ADAMTS6: variants seen among roughly 807,000 people sequenced by gnomAD.
ADAMTS6 encodes the protein A disintegrin and metalloproteinase with thrombospondin motifs 6.
Under a neutral mutation model 144.3 loss-of-function variants are expected in ADAMTS6, and 23 were observed. That is an observed-to-expected ratio of 0.16 (90% confidence interval 0.11 to 0.23). The LOEUF (loss-of-function observed/expected upper bound fraction) is 0.23. ADAMTS6 is among the 10% of genes least tolerant of loss of function. The pLI is 1.00. For synonymous variants in ADAMTS6, 444 were observed against 457.5 expected (o/e 0.97, Z 0.38); for missense variants, 999 against 1,379.6 (o/e 0.72, Z 4.37).
intron 7 of ADAMTS6, among the ~76,000 whole-genome samples, chr5:65,365,320 C>A (rs1253971933): frequency 6.6e-6 from 1 of 152,084 alleles, no homozygotes; most frequent in Admixed American, 6.6e-5. Context: ...AATGATTTTG[C>A]AAGTGGGCAA....
At chr5:65,203,716 T>C (rs912839036) in intron 20 of ADAMTS6, among the ~76,000 whole-genome samples, 5 of 152,298 alleles carry the variant, frequency 3.3e-5, no homozygotes, top group Admixed American at 2.0e-4. Flanking sequence ...ATATCATAAG[T>C]TCCCACAAAA....
intron 14 of ADAMTS6, among the ~76,000 whole-genome samples, chr5:65,249,273 T>C (rs1222954414): frequency 6.6e-6 from 1 of 152,060 alleles, no homozygotes; most frequent in Non-Finnish European, 1.5e-5. Flanking sequence ...GGCATGCACA[T>C]TAAGAGACAA....
At chr5:65,318,475 C>T (rs1053435101) in intron 9 of ADAMTS6, among the ~76,000 whole-genome samples, 2 of 152,048 alleles carry the variant, frequency 1.3e-5, no homozygotes, top group African/African-American at 4.8e-5. Context: ...TTGGAAGCAA[C>T]CTAAGTGTCC....
intron 7 of ADAMTS6, among the ~76,000 whole-genome samples, chr5:65,360,735 A>G (rs1338556481): frequency 1.3e-5 from 2 of 152,208 alleles, no homozygotes; most frequent in Admixed American, 1.3e-4. Flanking sequence ...GACCATTACA[A>G]AGCAATGTGA....
intron 6 of ADAMTS6, among the ~76,000 whole-genome samples, chr5:65,451,852 A>G (rs1034972469): frequency 6.6e-6 from 1 of 152,216 alleles, no homozygotes; most frequent in Non-Finnish European, 1.5e-5. Context: ...TGAGATTATC[A>G]ACACAAAAAC....
chr5:65,326,217 C>A (rs1329657917), intron 9 of ADAMTS6, among the ~76,000 whole-genome samples: 1 of 151,996 alleles, frequency 6.6e-6, no homozygotes, highest in African/African-American at 2.4e-5. Flanking sequence ...CCCTCTTTGA[C>A]ATTATAATCT....
chr5:65,326,329 C>A (rs1446379266), intron 9 of ADAMTS6, among the ~76,000 whole-genome samples: 1 of 152,066 alleles, frequency 6.6e-6, no homozygotes, highest in Non-Finnish European at 1.5e-5. Flanking sequence ...TGGCTTATAG[C>A]CTATATTAAA....
chr5:65,269,007 G>A (rs1406481580), intron 12 of ADAMTS6, among the ~76,000 whole-genome samples: 3 of 150,362 alleles, frequency 2.0e-5, no homozygotes, highest in African/African-American at 7.6e-5. Flanking sequence ...TGTTCCTTCT[G>A]GTGAGAGTAG....
chr5:65,173,335 T>A (rs1018013766), intron 22 of ADAMTS6, among the ~76,000 whole-genome samples: 1 of 152,228 alleles, frequency 6.6e-6, no homozygotes, highest in Non-Finnish European at 1.5e-5. Context: ...ATTTTTGGAA[T>A]GTGGAAACCT....
chr5:65,320,462 C>G (rs143734490), intron 9 of ADAMTS6, among the ~76,000 whole-genome samples: 5 of 151,588 alleles, frequency 3.3e-5, no homozygotes, highest in Non-Finnish European at 7.4e-5. Context: ...GCTCCAATGA[C>G]GTCATTGATG....
In ADAMTS6 at chr5:65,473,734, A is replaced by G. The variant is rs1223073737; in HGVS notation, c.-61T>C. ...CTATGTGCTAAAGAGTCAATACCAT[A>G]CCAAAATCGAAGCATAACAATTTTA... On this transcript the variant is annotated 5_prime_UTR_variant, in exon 2 of 25. Coordinates refer to ENST00000381055, the MANE Select transcript of ADAMTS6 (RefSeq NM_197941.4). 2 of 1,218,580 alleles carry G rather than the reference A, an allele frequency of 1.6e-6. No individual in the cohort carries two copies. Among genetic ancestry groups the G allele is most frequent in the African/African-American group, 3.0e-5 (2 of 65,884 alleles). 75.5% of individuals were successfully genotyped at this position (1,218,580 alleles called of 1,614,324 possible). A position where few individuals can be genotyped will look rare whatever the true frequency, so the allele number is the denominator to read the frequency against.
At chr5:65,190,476 TA>T (rs1237794131) in intron 21 of ADAMTS6, among the ~76,000 whole-genome samples, 1 of 152,130 alleles carries the variant, frequency 6.6e-6, no homozygotes, top group East Asian at 1.9e-4. Flanking sequence ...GATTAGGGGA[TA>T]AAACAGAAAT....
At chr5:65,430,556 C>T (rs1253507107) in intron 7 of ADAMTS6, among the ~76,000 whole-genome samples, 1 of 152,078 alleles carries the variant, frequency 6.6e-6, no homozygotes, top group Non-Finnish European at 1.5e-5. Flanking sequence ...TTTGCTCTCT[C>T]AGGAAAAAAG....
intron 3 of ADAMTS6, among the ~76,000 whole-genome samples, chr5:65,470,432 T>C (rs1234933642): frequency 1.3e-5 from 2 of 152,190 alleles, no homozygotes; most frequent in Non-Finnish European, 2.9e-5. Context: ...AATACACATA[T>C]ACATACAAAC....
chr5:65,465,807 T>C (rs976214285), intron 3 of ADAMTS6, among the ~76,000 whole-genome samples: 1 of 152,242 alleles, frequency 6.6e-6, no homozygotes, highest in South Asian at 2.1e-4. Flanking sequence ...CTGTTCTATG[T>C]TGTTTCTGCT....
At chr5:65,424,788 G>C (rs927393104) in intron 7 of ADAMTS6, among the ~76,000 whole-genome samples, 13 of 152,112 alleles carry the variant, frequency 8.5e-5, no homozygotes, top group African/African-American at 2.9e-4. Flanking sequence ...ATTGTTTCCT[G>C]ATCTTATTTA....
intron 15 of ADAMTS6, among the ~76,000 whole-genome samples, chr5:65,233,106 C>T (rs916119292): frequency 6.6e-6 from 1 of 152,030 alleles, no homozygotes; most frequent in Non-Finnish European, 1.5e-5. Flanking sequence ...TCCAAATGAT[C>T]ATTGCAATAG....
intron 18 of ADAMTS6, among the ~76,000 whole-genome samples, chr5:65,223,599 C>T (rs1056207120): frequency 1.3e-5 from 2 of 152,092 alleles, no homozygotes; most frequent in African/African-American, 4.8e-5. Context: ...CTTAGCATGA[C>T]GTTCTCCAGG....
chr5:65,440,718 A>G (rs1328927947), intron 7 of ADAMTS6, among the ~76,000 whole-genome samples: 1 of 152,184 alleles, frequency 6.6e-6, no homozygotes, highest in Non-Finnish European at 1.5e-5. Flanking sequence ...CATTAAATAT[A>G]GGGCCTAGAT....
Sources: gnomAD v4.1 joint callset for allele counts (sites outside exome capture counted in the v4.1 genomes callset) on GRCh38, gnomAD v4.1.1 for gene constraint, MANE v1.5 for transcripts, NCBI Gene and HGNC (gene_info 2026-07-23, HGNC 2026-07-21) for gene names.